Variants in TRAPPC9 observed in about 807,000 individuals in gnomAD.
The protein encoded by TRAPPC9 is IKK2 binding protein.
TRAPPC9 carries 83 observed loss-of-function variants against 124.0 expected under a neutral mutation model. The observed-to-expected ratio is 0.67, with a 90% CI of 0.56 to 0.80. The LOEUF (loss-of-function observed/expected upper bound fraction) is 0.80. TRAPPC9 is among the 30% of genes least tolerant of loss of function. The pLI, the probability that TRAPPC9 is intolerant of heterozygous loss-of-function variation, is 0.00. For missense variants in TRAPPC9, 1,302 were observed against 1,508.3 expected, an observed-to-expected ratio of 0.86 and a Z score of 2.27; for synonymous variants, 638 against 617.5, an observed-to-expected ratio of 1.03 and a Z score of -0.49.
chr8:140,026,876 T>C (rs951724560), intron 17 of TRAPPC9, among the ~76,000 whole-genome samples: 3 of 152,212 alleles, frequency 2.0e-5, no homozygotes, highest in South Asian at 2.1e-4. Flanking sequence ...AATACAGATT[T>C]TTTTTTAATA....
intron 21 of TRAPPC9, among the ~76,000 whole-genome samples, chr8:139,802,896 C>T (rs552801266): frequency 1.3e-5 from 2 of 151,954 alleles, no homozygotes; most frequent in African/African-American, 2.4e-5. Flanking sequence ...GCTCTGTGTG[C>T]ATGTTGTGTA....
At chr8:140,277,625 C>A (rs1187803729) in intron 14 of TRAPPC9, among the ~76,000 whole-genome samples, 2 of 152,228 alleles carry the variant, frequency 1.3e-5, no homozygotes, top group African/African-American at 4.8e-5. Context: ...CTGCAGCATC[C>A]CAGTTGTCAT....
chr8:139,804,417 CCACCACCGCCACCAAG>C (rs1348702713), intron 21 of TRAPPC9, among the ~76,000 whole-genome samples: 14 of 129,198 alleles, frequency 1.1e-4, no homozygotes, highest in South Asian at 2.6e-4. Flanking sequence ...CCACCACCAC[CCACCACCGCCACCAAG>C]CACCATCACC....
chr8:139,876,853 C>T (rs1829351317), intron 21 of TRAPPC9, among the ~76,000 whole-genome samples: 1 of 152,200 alleles, frequency 6.6e-6, no homozygotes, highest in African/African-American at 2.4e-5. Flanking sequence ...TATCTGCTGT[C>T]CGCTATACTC....
In TRAPPC9 at chr8:139,893,389, T is replaced by A. The variant is rs187344808; in HGVS notation, c.2965-7420A>T. Among the ~76,000 whole-genome samples, 491 of 152,224 alleles carry A rather than the reference T, an allele frequency of 3.2e-3. 2 individuals are homozygous for A. The highest frequency in any genetic ancestry group is 4.8e-3 in the Admixed American group (74 of 15,298). On this transcript the variant is annotated intron_variant, in intron 20 of 22. Coordinates refer to ENST00000438773, the MANE Select transcript of TRAPPC9 (RefSeq NM_001160372.4). Reference sequence around the variant, plus strand: ...TTCAGACCCAACACAACCATGCCCCTCAGGGGAGCCAACTGAGCACAGCCA... The same window carrying A: ...TTCAGACCCAACACAACCATGCCCCACAGGGGAGCCAACTGAGCACAGCCA...
chr8:140,144,066 T>C (rs1223570843), intron 17 of TRAPPC9, among the ~76,000 whole-genome samples: 1 of 152,376 alleles, frequency 6.6e-6, no homozygotes, highest in South Asian at 2.1e-4. Context: ...AAATAATCTG[T>C]ATAAGACTAT....
At chr8:139,932,435 C>G (rs1833224369) in intron 19 of TRAPPC9, 1 of 457,702 alleles carries the variant, frequency 2.2e-6, no homozygotes, top group South Asian at 1.5e-5. Context: ...GTCATAAGTA[C>G]AAGATGTTGG....
At chr8:139,734,940 T>C (rs1818059016) in intron 21 of TRAPPC9, among the ~76,000 whole-genome samples, 1 of 152,246 alleles carries the variant, frequency 6.6e-6, no homozygotes, top group Non-Finnish European at 1.5e-5. Flanking sequence ...TCCCAGCTTT[T>C]GCTGCATCCT....
intron 17 of TRAPPC9, among the ~76,000 whole-genome samples, chr8:140,209,112 C>T (rs12717828): frequency 0.44 from 67,124 of 152,044 alleles, 16,252 homozygotes; most frequent in Non-Finnish European, 0.54. Context: ...GAAGGGGCCC[C>T]GTGGACACAC....
intron 20 of TRAPPC9, among the ~76,000 whole-genome samples, chr8:139,893,980 G>A (rs1830506278): frequency 1.3e-5 from 2 of 152,148 alleles, no homozygotes; most frequent in Admixed American, 6.5e-5. Flanking sequence ...AGATAACTCC[G>A]ACCAGTCCTG....
At chr8:139,863,572 G>A (rs887943836) in intron 21 of TRAPPC9, among the ~76,000 whole-genome samples, 4 of 152,214 alleles carry the variant, frequency 2.6e-5, no homozygotes, top group Non-Finnish European at 5.9e-5. Context: ...CTTTCTACTC[G>A]CAGATGGTGT....
At chr8:140,258,864 T>C (rs1324174480) in intron 15 of TRAPPC9, among the ~76,000 whole-genome samples, 2 of 152,196 alleles carry the variant, frequency 1.3e-5, no homozygotes, top group Non-Finnish European at 2.9e-5. Flanking sequence ...ATCCCAGGGC[T>C]GCAGGGGTCC....
chr8:140,031,596 G>T (rs537033886), intron 17 of TRAPPC9, among the ~76,000 whole-genome samples: 1 of 152,314 alleles, frequency 6.6e-6, no homozygotes, highest in South Asian at 2.1e-4. Flanking sequence ...CAAGACCAAA[G>T]GCTGGGGCTC....
At chr8:140,284,120 G>A (rs1342101817) in intron 13 of TRAPPC9, 99 bp from the exon 14 acceptor site, 1 of 1,547,116 alleles carries the variant, frequency 6.5e-7, no homozygotes, top group Non-Finnish European at 8.8e-7. Context: ...CTCTTCAGAA[G>A]ACCTGAGTTC....
chr8:139,751,765 A>C (rs930075139), intron 21 of TRAPPC9, among the ~76,000 whole-genome samples: 3 of 149,526 alleles, frequency 2.0e-5, no homozygotes, highest in Admixed American at 6.6e-5. Context: ...TCCAGCAGAC[A>C]AGAGATGCCC....
At chr8:139,737,849 C>T (rs965557927) in intron 21 of TRAPPC9, among the ~76,000 whole-genome samples, 1 of 152,338 alleles carries the variant, frequency 6.6e-6, no homozygotes, top group South Asian at 2.1e-4. Flanking sequence ...ACCACCATGG[C>T]TCCCAACCTT....
At chr8:139,869,328 A>G (rs1828747447) in intron 21 of TRAPPC9, among the ~76,000 whole-genome samples, 1 of 152,232 alleles carries the variant, frequency 6.6e-6, no homozygotes, top group African/African-American at 2.4e-5. Flanking sequence ...GGCAAAAAAC[A>G]TGAAAGGAGA....
chr8:139,762,459 C>A (rs377388351), intron 21 of TRAPPC9, among the ~76,000 whole-genome samples: 11 of 152,186 alleles, frequency 7.2e-5, no homozygotes, highest in African/African-American at 2.7e-4. Context: ...AGCCTCTACA[C>A]ACCGAGGCCG....
intron 17 of TRAPPC9, among the ~76,000 whole-genome samples, chr8:140,134,872 A>G (rs1587781370): frequency 1.3e-5 from 2 of 152,374 alleles, no homozygotes; most frequent in Middle Eastern, 3.4e-3. Flanking sequence ...TATCAAGAAA[A>G]TAAAAAGATA....
Sources: gnomAD v4.1 joint callset for allele counts (sites outside exome capture counted in the v4.1 genomes callset) on GRCh38, gnomAD v4.1.1 for gene constraint, MANE v1.5 for transcripts, NCBI Gene and HGNC (gene_info 2026-07-23, HGNC 2026-07-21) for gene names.